KLF7: variants seen among roughly 807,000 people sequenced by gnomAD.
The protein encoded by KLF7 is KLF transcription factor 7.
A neutral mutation model predicts 27.3 loss-of-function variants in KLF7; 2 were observed. The ratio of observed to expected loss-of-function variants is 0.07; its 90% confidence interval spans 0.03 to 0.23. The LOEUF (loss-of-function observed/expected upper bound fraction) is 0.23, where lower values mean the gene tolerates loss of function less well. Among genes scored for constraint, KLF7 ranks in the 10% least tolerant of loss-of-function variants. The pLI is 1.00. For missense variants in KLF7, 221 were observed against 394.1 expected (o/e 0.56, Z 3.72); for synonymous variants, 165 against 162.4 (o/e 1.02, Z -0.12).
intron 2 of KLF7, among the ~76,000 whole-genome samples, chr2:207,116,080 T>C (rs1454684753): frequency 6.6e-6 from 1 of 152,158 alleles, no homozygotes; most frequent in Non-Finnish European, 1.5e-5. Flanking sequence ...TCCATCAGGG[T>C]GAAGACAAAT....
chr2:207,169,320 A>C (rs951785803), upstream of KLF7, among the ~76,000 whole-genome samples: 5 of 152,154 alleles, frequency 3.3e-5, no homozygotes, highest in Admixed American at 6.5e-5. Flanking sequence ...AAATAGTAAA[A>C]ATTTAATATG....
chr2:207,093,202 C>T (rs747529055), intron 2 of KLF7, among the ~76,000 whole-genome samples: 8 of 152,162 alleles, frequency 5.3e-5, no homozygotes, highest in Non-Finnish European at 1.2e-4. Context: ...ACAGGTTTTG[C>T]CAGACTGCCA....
At chr2:207,139,398 A>G (rs916828571) in intron 1 of KLF7, among the ~76,000 whole-genome samples, 2 of 152,318 alleles carry the variant, frequency 1.3e-5, no homozygotes, top group African/African-American at 4.8e-5. Flanking sequence ...AACCTAACTT[A>G]GTAAAGAAAA....
At chr2:207,118,819 T>G (rs2077259985) in intron 2 of KLF7, among the ~76,000 whole-genome samples, 2 of 152,264 alleles carry the variant, frequency 1.3e-5, no homozygotes, top group Admixed American at 1.3e-4. Flanking sequence ...TATTTCAAAC[T>G]TTAAAGGCCT....
chr2:207,157,800 A>AT (rs1392874082), intron 1 of KLF7, among the ~76,000 whole-genome samples: 1 of 152,198 alleles, frequency 6.6e-6, no homozygotes, highest in African/African-American at 2.4e-5. Context: ...TTTTCACCTA[A>AT]TTTTTTATTA....
At chr2:207,112,625 G>C (rs148430540) in intron 2 of KLF7, among the ~76,000 whole-genome samples, 133 of 152,306 alleles carry the variant, frequency 8.7e-4, no homozygotes, top group African/African-American at 3.2e-3. Flanking sequence ...GAATAAAGCT[G>C]CCTCTTCAAG....
intron 2 of KLF7, among the ~76,000 whole-genome samples, chr2:207,110,584 A>T (rs867586902): frequency 6.6e-6 from 1 of 152,144 alleles, no homozygotes; most frequent in Admixed American, 6.6e-5. Context: ...GCAAAATCTC[A>T]AATTATTACA....
chr2:207,127,566 G>A (rs576143848), intron 1 of KLF7, among the ~76,000 whole-genome samples: 1 of 152,326 alleles, frequency 6.6e-6, no homozygotes, highest in African/African-American at 2.4e-5. Flanking sequence ...GACAGGCCGG[G>A]TGCAGTGGCT....
intron 2 of KLF7, among the ~76,000 whole-genome samples, chr2:207,120,559 T>A (rs927860721): frequency 3.9e-5 from 6 of 152,236 alleles, no homozygotes; most frequent in Non-Finnish European, 8.8e-5. Flanking sequence ...TCCCTTTTTT[T>A]CCTGTCCCAA....
chr2:207,102,419 A>C (rs1028690371), intron 2 of KLF7, among the ~76,000 whole-genome samples: 1 of 152,208 alleles, frequency 6.6e-6, no homozygotes, highest in Admixed American at 6.5e-5. Flanking sequence ...AGAAATATTA[A>C]GATGCAGTTA....
intron 1 of KLF7, among the ~76,000 whole-genome samples, chr2:207,136,672 G>A (rs567622777): frequency 6.6e-6 from 1 of 152,170 alleles, no homozygotes. Context: ...GGAGAACAGG[G>A]ATTTAGTGTA....
chr2:207,101,794 T>C (rs1345749721), intron 2 of KLF7, among the ~76,000 whole-genome samples: 1 of 152,186 alleles, frequency 6.6e-6, no homozygotes, highest in African/African-American at 2.4e-5. Flanking sequence ...TCCTTTCTTC[T>C]GCTCGCCTAA....
upstream of KLF7, chr2:207,166,644 C>T (rs1228571776): frequency 3.9e-6 from 1 of 254,134 alleles, no homozygotes; most frequent in Non-Finnish European, 6.2e-6. Context: ...CAGGGGGCCG[C>T]GGGGAAGCCG....
chr2:207,124,578 G>T (rs569568364), intron 1 of KLF7, among the ~76,000 whole-genome samples, 174 bp from the exon 2 acceptor site: 18 of 152,240 alleles, frequency 1.2e-4, no homozygotes, highest in Middle Eastern at 6.8e-3. Context: ...ACCTCTGAAA[G>T]GTTCATAAGG....
At chr2:207,155,056 G>A (rs1034925344) in intron 1 of KLF7, among the ~76,000 whole-genome samples, 1 of 152,186 alleles carries the variant, frequency 6.6e-6, no homozygotes, top group Non-Finnish European at 1.5e-5. Context: ...AATTAAGAGT[G>A]CTGGGCCCTG....
intron 2 of KLF7, 82 bp downstream of exon 2, chr2:207,123,692 C>G: frequency 6.8e-7 from 1 of 1,480,384 alleles, no homozygotes; most frequent in East Asian, 2.3e-5. Flanking sequence ...TGCCACTCCT[C>G]AGAACAAAGA....
chr2:207,077,808 C>T lies in KLF7; in HGVS notation c.*3405G>A, dbSNP rs1173442317. The stretch of plus-strand genomic sequence containing the variant: ...TGAAATTACAAAAAAAAAAAATTGT[C>T]AGTGGCTTAGAAACTCTTTTTCTAC... On this transcript the variant is annotated 3_prime_UTR_variant, in exon 4 of 4. Transcript: ENST00000309446. 2 of 151,810 alleles carry T rather than the reference C, an allele frequency of 1.3e-5. No homozygotes were observed. The highest frequency in any genetic ancestry group is 4.8e-5 in the African/African-American group (2 of 41,312). The allele number at this position is 151,810 out of a possible 1,614,324, so 9.4% of individuals were successfully genotyped here.
chr2:207,151,877 T>A (rs1429568258), intron 1 of KLF7, among the ~76,000 whole-genome samples: 4 of 152,146 alleles, frequency 2.6e-5, no homozygotes, highest in African/African-American at 9.7e-5. Flanking sequence ...TGGCTTTTTT[T>A]AATCAGGAAA....
In KLF7 at chr2:207,077,303, C is replaced by T. The variant is rs2076191894; in HGVS notation, c.*3910G>A. ...TTCTTTCCCCTTTGATGCAAATAGA[C>T]ATGGATAATCTGGAAAGCTTATCCC... On this transcript the variant is annotated 3_prime_UTR_variant, in exon 4 of 4. Coordinates refer to ENST00000309446, the MANE Select transcript of KLF7 (RefSeq NM_003709.4). 1 of 152,180 alleles carries T rather than the reference C, an allele frequency of 6.6e-6. No individual in the cohort carries two copies. Among genetic ancestry groups the T allele is most frequent in the South Asian group, 2.1e-4 (1 of 4,828 alleles). 9.4% of individuals were successfully genotyped at this position (152,180 alleles called of 1,614,324 possible).
Sources: allele counts gnomAD v4.1 joint callset (sites outside exome capture counted in the v4.1 genomes callset), GRCh38; gene constraint gnomAD v4.1.1; transcripts MANE v1.5; gene names NCBI Gene and HGNC (gene_info 2026-07-23, HGNC 2026-07-21).